The following NPTN variants were observed in gnomAD, a reference collection of about 807,000 sequenced individuals.
NPTN encodes SDR-1.
In NPTN, 5 loss-of-function variants were observed where a neutral mutation model predicts 42.7. The ratio of observed to expected loss-of-function variants is 0.12; its 90% CI spans 0.06 to 0.25. NPTN has a LOEUF of 0.25. Among genes scored for constraint, NPTN ranks in the 10% least tolerant of loss-of-function variants. The pLI, the probability that NPTN is intolerant of heterozygous loss-of-function variation, is 1.00. For missense variants in NPTN, 307 were observed against 525.4 expected (o/e 0.58, Z 4.06); for synonymous variants, 180 against 201.9 (o/e 0.89, Z 0.92).
At chr15:73,586,788 G>A (rs1213008541) in intron 4 of NPTN, among the ~76,000 whole-genome samples, 1 of 152,194 alleles carries the variant, frequency 6.6e-6, no homozygotes, top group Admixed American at 6.5e-5. Context: ...AATTTTGTGA[G>A]AGTAGAAAAA....
At chr15:73,609,255 A>G (rs1462332551) in intron 1 of NPTN, among the ~76,000 whole-genome samples, 3 of 152,232 alleles carry the variant, frequency 2.0e-5, no homozygotes, top group East Asian at 1.9e-4. Context: ...TGACTCAGAT[A>G]TAAGGCACAG....
At chr15:73,616,738 A>T (rs1897881866) in intron 1 of NPTN, among the ~76,000 whole-genome samples, 1 of 152,184 alleles carries the variant, frequency 6.6e-6, no homozygotes, top group African/African-American at 2.4e-5. Context: ...AGGTTATACT[A>T]CTTACCTAGT....
intron 1 of NPTN, among the ~76,000 whole-genome samples, chr15:73,614,936 AAAATC>A (rs1420486091): frequency 6.6e-6 from 1 of 152,170 alleles, no homozygotes. Flanking sequence ...TTTGTTTAAA[AAAATC>A]AAATCCCTAA....
chr15:73,631,616 T>C (rs1018419312), intron 1 of NPTN, among the ~76,000 whole-genome samples: 1 of 152,262 alleles, frequency 6.6e-6, no homozygotes, highest in Non-Finnish European at 1.5e-5. Context: ...TTTTAAAATT[T>C]AAATTGCAGC....
rs1158380914 is a variant in NPTN at position 73,573,722 on chromosome 15, C to T, written c.780G>A (p.Lys260=). 1 of 1,595,844 alleles carries T rather than the reference C, an allele frequency of 6.3e-7. No individual in the cohort carries two copies. The highest frequency in any genetic ancestry group is 1.4e-5 in the African/African-American group (1 of 73,920). ...AGTCTGGGTGGGGGTAGCCAACTGA[C>T]TTGCAATACATAGTGGCATCCTGCC... The part of the protein sequence containing the change: ...NEGQDATMYC[K]SVGYPHPDWI... Residue 260 remains lysine, a synonymous_variant, in exon 5 of 9, where the codon AAG becomes AAA. Transcript: ENST00000345330.
intron 6 of NPTN, chr15:73,568,232 T>C (rs985360080): frequency 5.1e-6 from 5 of 985,368 alleles, no homozygotes; most frequent in Non-Finnish European, 6.0e-6. Context: ...GGTGACTTCT[T>C]AGGGCAAAGA....
At chr15:73,564,923 G>T (rs144850218) in intron 6 of NPTN, among the ~76,000 whole-genome samples, 1 of 152,320 alleles carries the variant, frequency 6.6e-6, no homozygotes, top group African/African-American at 2.4e-5. Flanking sequence ...TAAAAAGCAG[G>T]GGAGGGAGAA....
At chr15:73,628,079 T>TA (rs1441638596) in intron 1 of NPTN, among the ~76,000 whole-genome samples, 1 of 152,168 alleles carries the variant, frequency 6.6e-6, no homozygotes, top group African/African-American at 2.4e-5. Flanking sequence ...TTAAACTCCA[T>TA]ATTATGAACA....
chr15:73,596,546 A>C (rs1340858510), intron 2 of NPTN, among the ~76,000 whole-genome samples: 1 of 152,208 alleles, frequency 6.6e-6, no homozygotes, highest in East Asian at 1.9e-4. Flanking sequence ...AAGTAGTTAG[A>C]CTGGGGAGAG....
chr15:73,563,168 T>G (rs1894783404), intron 7 of NPTN, 68 bp downstream of exon 7: 1 of 1,134,530 alleles, frequency 8.8e-7, no homozygotes, highest in Non-Finnish European at 1.3e-6. Context: ...CTACTCCATT[T>G]GATTAAACTG....
chr15:73,567,286 G>C (rs1441889454), intron 6 of NPTN: 10 of 985,170 alleles, frequency 1.0e-5, no homozygotes, highest in Non-Finnish European at 1.2e-5. Flanking sequence ...TGATAATAAA[G>C]TGCTATTTGG....
At chr15:73,589,838 C>A (rs1376781640) in intron 3 of NPTN, among the ~76,000 whole-genome samples, 7 of 151,962 alleles carry the variant, frequency 4.6e-5, no homozygotes, top group African/African-American at 1.7e-4. Flanking sequence ...CAATGTGACA[C>A]CATGCCTCTT....
intron 1 of NPTN, among the ~76,000 whole-genome samples, chr15:73,606,771 A>G (rs1185908537): frequency 6.6e-6 from 1 of 152,238 alleles, no homozygotes; most frequent in African/African-American, 2.4e-5. Flanking sequence ...TGAAAACAAT[A>G]TACTAGAAAG....
chr15:73,582,317 G>A (rs1030332417), intron 4 of NPTN, among the ~76,000 whole-genome samples: 1 of 152,170 alleles, frequency 6.6e-6, no homozygotes, highest in African/African-American at 2.4e-5. Context: ...TATCTTTGTG[G>A]TGGACAAAAT....
intron 3 of NPTN, among the ~76,000 whole-genome samples, chr15:73,590,560 A>G (rs1896537774): frequency 6.6e-6 from 1 of 151,628 alleles, no homozygotes; most frequent in Non-Finnish European, 1.5e-5. Flanking sequence ...TCAGGAGTTC[A>G]AGACCAGCCT....
intron 1 of NPTN, among the ~76,000 whole-genome samples, chr15:73,618,037 C>T (rs576077965): frequency 1.3e-5 from 2 of 152,196 alleles, no homozygotes; most frequent in Non-Finnish European, 2.9e-5. Flanking sequence ...GCAGACATTT[C>T]GTTTCACAAC....
In NPTN at chr15:73,560,024, CAAT is replaced by C. The variant is rs1566952404; in HGVS notation, c.*1036_*1038del. ...AGAGTATTATCCAAACACCTTTTATCAATGTTTTATTTTTAAAAACAGGTGAAT... is the reference window on the plus strand; with the variant it reads ...AGAGTATTATCCAAACACCTTTTATCGTTTTATTTTTAAAAACAGGTGAAT... On this transcript the variant is annotated 3_prime_UTR_variant, in exon 9 of 9. Coordinates refer to ENST00000345330, the MANE Select transcript of NPTN (RefSeq NM_012428.4). 3 of 1,066,702 alleles carry C rather than the reference CAAT, an allele frequency of 2.8e-6. No individual in the cohort carries two copies. The African/African-American group carries it at 5.1e-5, about 18-fold the overall frequency. The allele number at this position is 1,066,702 out of a possible 1,614,324, so 66.1% of individuals were successfully genotyped here. A position where few individuals can be genotyped will look rare whatever the true frequency, so the allele number is the denominator to read the frequency against.
chr15:73,625,617 C>G lies in NPTN; in HGVS notation c.91+7508G>C, dbSNP rs1247519379. On this transcript the variant is annotated intron_variant, in intron 1 of 8. Coordinates refer to ENST00000345330, the MANE Select transcript of NPTN (RefSeq NM_012428.4). ...AAGTGCTGGGATTACAGGAGTGAGC[C>G]ACCGCGTCCGGCCAAGAGCTTTATT... Among the ~76,000 whole-genome samples the G allele has an allele frequency of 3.3e-5, 5 of 152,152 alleles. No homozygotes were observed. The East Asian group carries it at 9.6e-4, about 29-fold the overall frequency.
intron 1 of NPTN, among the ~76,000 whole-genome samples, chr15:73,600,415 T>C (rs1897032779): frequency 6.6e-6 from 1 of 152,250 alleles, no homozygotes; most frequent in African/African-American, 2.4e-5. Flanking sequence ...TTAGGCAATG[T>C]GCTAAGCACT....
Sources: gnomAD v4.1 joint callset for allele counts (sites outside exome capture counted in the v4.1 genomes callset) on GRCh38, gnomAD v4.1.1 for gene constraint, MANE v1.5 for transcripts, NCBI Gene and HGNC (gene_info 2026-07-23, HGNC 2026-07-21) for gene names.